The following IL13RA1 variants were observed in gnomAD, a reference collection of about 807,000 sequenced individuals.
IL13RA1 encodes the protein interleukin-13 receptor subunit alpha-1.
In IL13RA1, 14 loss-of-function variants were observed where a neutral mutation model predicts 33.8. The ratio of observed to expected loss-of-function variants is 0.41; its 90% CI spans 0.27 to 0.65. The LOEUF is 0.65. Ranked by LOEUF, IL13RA1 falls within the 30% of genes least tolerant of loss-of-function variation. The pLI, the probability that IL13RA1 is intolerant of heterozygous loss-of-function variation, is 0.28. For synonymous variants in IL13RA1, 116 were observed against 115.7 expected (o/e 1.00, Z -0.02); for missense variants, 313 against 327.0 (o/e 0.96, Z 0.33).
intron 10 of IL13RA1, among the ~76,000 whole-genome samples, chrX:118,785,311 T>TCTTG (rs2147401949): frequency 9.1e-6 from 1 of 110,452 alleles, no homozygotes; most frequent in South Asian, 3.9e-4. Context: ...CCCAGTCTGG[T>TCTTG]CTTGAACTAC....
chrX:118,781,638 C>T (rs774842840), intron 10 of IL13RA1, among the ~76,000 whole-genome samples: 1 of 112,969 alleles, frequency 8.9e-6, no homozygotes, highest in Non-Finnish European at 1.9e-5. Flanking sequence ...AGGCGTGAGC[C>T]ACCACGCCCA....
At chrX:118,755,287 C>T (rs73591292) in intron 4 of IL13RA1, among the ~76,000 whole-genome samples, 63 of 111,214 alleles carry the variant, frequency 5.7e-4, no homozygotes, top group African/African-American at 2.0e-3. Flanking sequence ...TCATTGAAGC[C>T]CTAGGGCAAT....
the IL13RA1 span, among the ~76,000 whole-genome samples, chrX:118,802,220 A>G: frequency 1.8e-5 from 2 of 112,370 alleles, no homozygotes; most frequent in Non-Finnish European, 3.8e-5. Flanking sequence ...TCGAGTCCAG[A>G]GGAGGCCTGG....
chrX:118,757,387 G>A (rs1199301744), intron 4 of IL13RA1, among the ~76,000 whole-genome samples: 5 of 108,568 alleles, frequency 4.6e-5, no homozygotes, highest in African/African-American at 1.0e-4. Flanking sequence ...AAAATTAGCC[G>A]GGCGTAGTAG....
intron 2 of IL13RA1, 110 bp from the exon 3 acceptor site, chrX:118,746,844 C>A: frequency 5.6e-6 from 3 of 538,368 alleles, no homozygotes; most frequent in Non-Finnish European, 9.3e-6. Flanking sequence ...TGATCTATAC[C>A]ATTTGATAAC....
chrX:118,782,942 G>A (rs192044718), intron 10 of IL13RA1, among the ~76,000 whole-genome samples: 17 of 108,151 alleles, frequency 1.6e-4, no homozygotes, highest in Admixed American at 8.9e-4. Flanking sequence ...TTTAAGGTGT[G>A]GAGATCTACA....
At chrX:118,747,963 A>G (rs983815378) in intron 3 of IL13RA1, among the ~76,000 whole-genome samples, 12 of 104,708 alleles carry the variant, frequency 1.1e-4, no homozygotes, top group African/African-American at 3.8e-4. Context: ...GTAAGTCAGT[A>G]TATGTGAGGT....
At chrX:118,742,754 G>C (rs1438021530) in intron 2 of IL13RA1, among the ~76,000 whole-genome samples, 2 of 111,023 alleles carry the variant, frequency 1.8e-5, no homozygotes, top group Non-Finnish European at 1.9e-5. Flanking sequence ...TTGTTTTGGC[G>C]GGGGGCGGGT....
At chrX:118,785,395 C>G (rs890642285) in intron 10 of IL13RA1, among the ~76,000 whole-genome samples, 1 of 111,261 alleles carries the variant, frequency 9.0e-6, no homozygotes, top group African/African-American at 3.3e-5. Flanking sequence ...GCACCCAGCC[C>G]TTCCAGCCCT....
At chrX:118,766,200 A>G (rs1378818100) in intron 6 of IL13RA1, among the ~76,000 whole-genome samples, 1 of 111,882 alleles carries the variant, frequency 8.9e-6, no homozygotes, top group Non-Finnish European at 1.9e-5. Context: ...CCCTTCTTCA[A>G]GGTCATTAAG....
intron 10 of IL13RA1, among the ~76,000 whole-genome samples, chrX:118,779,481 T>G (rs1197989300): frequency 8.9e-6 from 1 of 112,038 alleles, no homozygotes; most frequent in African/African-American, 3.2e-5. Context: ...ACAATCATAA[T>G]TTTTATCAAA....
chrX:118,751,705 C>T (rs993305370), intron 4 of IL13RA1, among the ~76,000 whole-genome samples: 1 of 110,308 alleles, frequency 9.1e-6, no homozygotes, highest in Non-Finnish European at 1.9e-5. Context: ...TCTGCCTCTA[C>T]ATGGCCTTGT....
rs942205336 is a variant in IL13RA1 at position 118,794,263 on chromosome X, T to C, written c.*2409T>C. On this transcript the variant is annotated 3_prime_UTR_variant, in exon 11 of 11. Coordinates refer to ENST00000371666, the MANE Select transcript of IL13RA1 (RefSeq NM_001560.3). ...GAGCTCTTGGAGGTGTCTGTATCAG[T>C]GGATTTCCCATCCCCTGTGGGAAAT... 3 of 112,492 alleles carry C rather than the reference T, an allele frequency of 2.7e-5. No homozygotes were observed. The highest frequency in any genetic ancestry group is 5.6e-4 in the East Asian group (2 of 3,564). The allele number at this position is 112,492 out of a possible 1,213,427, so 9.3% of individuals were successfully genotyped here.
intron 1 of IL13RA1, among the ~76,000 whole-genome samples, chrX:118,732,136 TCAC>T (rs1023669532): frequency 4.4e-4 from 49 of 111,100 alleles, no homozygotes; most frequent in African/African-American, 1.5e-3. Context: ...GCAACCATCA[TCAC>T]CATCCATCCC....
In IL13RA1 at chrX:118,793,347, A is replaced by G. The variant is rs2017997770; in HGVS notation, c.*1493A>G. 1 of 112,642 alleles carries G rather than the reference A, an allele frequency of 8.9e-6. No homozygotes were observed. Among genetic ancestry groups the G allele is most frequent in the Non-Finnish European group, 1.9e-5 (1 of 53,314 alleles). The allele number at this position is 112,642 out of a possible 1,213,427, so 9.3% of individuals were successfully genotyped here. On this transcript the variant is annotated 3_prime_UTR_variant, in exon 11 of 11. Transcript: ENST00000371666. ...TAGAACATTGGTATTCGCTTGAGAAAAAAAGAATAGTTGAACCTATTTCTC... is the reference window on the plus strand; with the variant it reads ...TAGAACATTGGTATTCGCTTGAGAAGAAAAGAATAGTTGAACCTATTTCTC...
chrX:118,767,432 C>A (rs888377903), intron 8 of IL13RA1, among the ~76,000 whole-genome samples: 1 of 110,648 alleles, frequency 9.0e-6, no homozygotes, highest in Non-Finnish European at 1.9e-5. Context: ...TCTTGGCTAC[C>A]CAAGAGGCAG....
chrX:118,796,488 T>G (rs889253585), downstream of IL13RA1, among the ~76,000 whole-genome samples: 2 of 112,970 alleles, frequency 1.8e-5, no homozygotes, highest in African/African-American at 6.4e-5. Context: ...GGAAGATTTC[T>G]GATTTTAAAT....
chrX:118,773,898 ACT>A lies in IL13RA1; in HGVS notation c.1032_1033del (p.Tyr345HisfsTer35). 9.7e-7 allele frequency: 1 copy of A among 1,034,918 alleles called. No homozygotes were observed. Among genetic ancestry groups the A allele is most frequent in the Non-Finnish European group, 1.4e-6 (1 of 736,242 alleles). 85.3% of individuals were successfully genotyped at this position (1,034,918 alleles called of 1,213,427 possible). A position where few individuals can be genotyped will look rare whatever the true frequency, so the allele number is the denominator to read the frequency against. ...CTCCAGGTAAGAAGCGCAATTCCACACTCTACATAACCATGTTACTCATTGTT... is the reference window on the plus strand; with the variant it reads ...CTCCAGGTAAGAAGCGCAATTCCACACTACATAACCATGTTACTCATTGTT... ...MSIGKKRNST[L>X]YITMLLIVPV... On this transcript the variant is annotated frameshift_variant, in exon 9 of 11. Transcript: ENST00000371666. LOFTEE classifies it high-confidence loss of function.
chrX:118,738,907 C>G (rs758377019), intron 1 of IL13RA1, among the ~76,000 whole-genome samples: 14 of 107,475 alleles, frequency 1.3e-4, no homozygotes, highest in African/African-American at 4.4e-4. Flanking sequence ...TATGCCACAG[C>G]CTCCTGAGTT....
Sources: gnomAD v4.1 joint callset for allele counts (sites outside exome capture counted in the v4.1 genomes callset) on GRCh38, gnomAD v4.1.1 for gene constraint, MANE v1.5 for transcripts, NCBI Gene and HGNC (gene_info 2026-07-23, HGNC 2026-07-21) for gene names.